The following NDST4 variants were observed in gnomAD, a reference collection of about 807,000 sequenced individuals.
NDST4 encodes N-heparan sulfate sulfotransferase 4.
NDST4 carries 63 observed loss-of-function variants against 100.8 expected under a neutral mutation model. That is an observed-to-expected ratio of 0.62 (90% confidence interval 0.51 to 0.77). The LOEUF (loss-of-function observed/expected upper bound fraction) is 0.77, where lower values mean the gene tolerates loss of function less well. Among genes scored for constraint, NDST4 ranks in the 30% least tolerant of loss-of-function variants. The pLI, the probability that NDST4 is intolerant of heterozygous loss-of-function variation, is 0.00. For missense variants in NDST4, 943 were observed against 1,018.4 expected (o/e 0.93, Z 1.01); for synonymous variants, 377 against 361.8 (o/e 1.04, Z -0.48).
chr4:115,059,228 C>T (rs1053581487), intron 2 of NDST4, among the ~76,000 whole-genome samples: 2 of 151,874 alleles, frequency 1.3e-5, no homozygotes, highest in Admixed American at 6.6e-5. Context: ...CCAAAGAAAA[C>T]AGATTAGAAA....
chr4:115,082,108 T>C (rs781773954), intron 1 of NDST4, among the ~76,000 whole-genome samples: 6 of 149,852 alleles, frequency 4.0e-5, no homozygotes, highest in Admixed American at 6.6e-5. Flanking sequence ...TTTGTAGGTG[T>C]TGATTTTCCT....
chr4:114,889,989 T>C (rs1018776815), intron 6 of NDST4, among the ~76,000 whole-genome samples: 4 of 152,162 alleles, frequency 2.6e-5, no homozygotes, highest in African/African-American at 9.6e-5. Flanking sequence ...CCTGAAAAAA[T>C]CTTGGTGCCT....
At chr4:114,909,802 G>A (rs1725028483) in intron 6 of NDST4, among the ~76,000 whole-genome samples, 1 of 151,996 alleles carries the variant, frequency 6.6e-6, no homozygotes, top group African/African-American at 2.4e-5. Flanking sequence ...ACAATTTTAT[G>A]GATTAGTATG....
chr4:114,960,406 G>A (rs1156287511), intron 4 of NDST4, among the ~76,000 whole-genome samples: 1 of 152,082 alleles, frequency 6.6e-6, no homozygotes, highest in Non-Finnish European at 1.5e-5. Context: ...AGGAGTTTGA[G>A]ACCAGCCTGG....
chr4:114,996,626 TC>T (rs1483299835), intron 2 of NDST4, among the ~76,000 whole-genome samples: 2 of 152,050 alleles, frequency 1.3e-5, no homozygotes, highest in Admixed American at 1.3e-4. Flanking sequence ...CAAGTCCCCC[TC>T]CTTGTACCTG....
intron 7 of NDST4, among the ~76,000 whole-genome samples, chr4:114,865,001 G>T (rs1233766225): frequency 6.6e-6 from 1 of 151,876 alleles, no homozygotes; most frequent in Non-Finnish European, 1.5e-5. Flanking sequence ...TTCCCATGAG[G>T]TAGTCTCATA....
chr4:114,946,364 G>T (rs1010809868), intron 4 of NDST4, among the ~76,000 whole-genome samples: 1 of 152,094 alleles, frequency 6.6e-6, no homozygotes, highest in Non-Finnish European at 1.5e-5. Flanking sequence ...AAAGAAGTAA[G>T]TAAATTGTGT....
intron 1 of NDST4, among the ~76,000 whole-genome samples, chr4:115,077,518 G>A (rs1245867888): frequency 1.3e-5 from 2 of 152,002 alleles, no homozygotes; most frequent in Non-Finnish European, 2.9e-5. Flanking sequence ...ACATCCATAT[G>A]TATATAGAAA....
chr4:114,955,808 T>C (rs1404656272), intron 4 of NDST4: 1 of 152,242 alleles, frequency 6.6e-6, no homozygotes, highest in Non-Finnish European at 1.5e-5. Flanking sequence ...ATGTGAGCCA[T>C]GACCTGCTCC....
intron 2 of NDST4, among the ~76,000 whole-genome samples, chr4:115,058,094 A>T (rs530888092): frequency 6.6e-6 from 1 of 152,296 alleles, no homozygotes; most frequent in East Asian, 1.9e-4. Flanking sequence ...CTGACAAAAA[A>T]CATCCAGAAA....
chr4:115,066,210 A>G (rs181231516), intron 2 of NDST4, among the ~76,000 whole-genome samples: 53 of 152,330 alleles, frequency 3.5e-4, no homozygotes, highest in African/African-American at 1.2e-3. Flanking sequence ...CAGATTCACA[A>G]AGGAAAAGGT....
chr4:115,055,738 C>T (rs992803268), intron 2 of NDST4, among the ~76,000 whole-genome samples: 4 of 151,866 alleles, frequency 2.6e-5, no homozygotes, highest in African/African-American at 9.7e-5. Context: ...TAATGAGAAA[C>T]AATAGAGGGA....
intron 2 of NDST4, among the ~76,000 whole-genome samples, chr4:115,059,941 G>C (rs1489005358): frequency 6.6e-6 from 1 of 151,510 alleles, no homozygotes. Context: ...CCTACCTTGA[G>C]GATTATTCCC....
At chr4:114,849,386 A>G (rs1348754079) in intron 8 of NDST4, among the ~76,000 whole-genome samples, 1 of 152,234 alleles carries the variant, frequency 6.6e-6, no homozygotes, top group African/African-American at 2.4e-5. Flanking sequence ...AGAGCTGCAG[A>G]CAAGCTACAT....
Position 114,880,654 on chromosome 4 carries a change from G to A in NDST4, c.1537-9704C>T, listed in dbSNP as rs1724347999. 3.9e-5 allele frequency among the ~76,000 whole-genome samples: 6 copies of A among 152,180 alleles called. 1 individual carries two copies. In the South Asian group the frequency reaches 1.2e-3, roughly 32 times the overall value. Reference sequence around the variant, plus strand: ...TTTATTAATGCTTAATAAGTGCCTGGCAGTCTATTAGAAACTAGAGATATA... The same window carrying A: ...TTTATTAATGCTTAATAAGTGCCTGACAGTCTATTAGAAACTAGAGATATA... On this transcript the variant is annotated intron_variant, in intron 6 of 13. Coordinates refer to ENST00000264363, the MANE Select transcript of NDST4 (RefSeq NM_022569.3).
At chr4:114,916,642 C>CTT (rs796436862) in intron 6 of NDST4, among the ~76,000 whole-genome samples, 1 of 119,890 alleles carries the variant, frequency 8.3e-6, no homozygotes, top group South Asian at 2.8e-4. Flanking sequence ...TGTTTTTATG[C>CTT]TTTTTTTTTT....
intron 9 of NDST4, among the ~76,000 whole-genome samples, chr4:114,846,278 G>A (rs1723548591): frequency 6.6e-6 from 1 of 152,088 alleles, no homozygotes; most frequent in Non-Finnish European, 1.5e-5. Flanking sequence ...GATGTTCTGT[G>A]CTATAAAACT....
intron 2 of NDST4, among the ~76,000 whole-genome samples, chr4:115,075,498 G>A (rs486022): frequency 0.16 from 24,041 of 151,962 alleles, 2,285 homozygotes; most frequent in East Asian, 0.45. Flanking sequence ...TTAAGAAGAG[G>A]CAAGGAGGCC....
chr4:115,015,811 C>T (rs570656000), intron 2 of NDST4, among the ~76,000 whole-genome samples: 3 of 152,078 alleles, frequency 2.0e-5, no homozygotes, highest in East Asian at 1.9e-4. Context: ...CTCCTACTTA[C>T]GAAGGCCTAC....
Sources: allele counts gnomAD v4.1 joint callset (sites outside exome capture counted in the v4.1 genomes callset), GRCh38; gene constraint gnomAD v4.1.1; transcripts MANE v1.5; gene names NCBI Gene and HGNC (gene_info 2026-07-23, HGNC 2026-07-21).